Variants in RBMS3 observed in about 807,000 individuals in gnomAD.
RBMS3 encodes the protein RNA binding motif single stranded interacting protein 3.
In RBMS3, 27 loss-of-function variants were observed where a neutral mutation model predicts 66.8. The observed-to-expected ratio is 0.40, with a 90% CI of 0.30 to 0.56. The LOEUF (loss-of-function observed/expected upper bound fraction) is 0.56, where lower values mean the gene tolerates loss of function less well. RBMS3 is among the 20% of genes least tolerant of loss of function. The probability of loss-of-function intolerance (pLI) is 0.40; values close to 1 mark genes in which losing one functional copy is unlikely to be tolerated. For synonymous variants in RBMS3, 188 were observed against 183.0 expected (o/e 1.03, Z -0.22); for missense variants, 513 against 549.5 (o/e 0.93, Z 0.66).
chr3:29,510,287 C>G (rs1224826507), intron 3 of RBMS3, among the ~76,000 whole-genome samples: 1 of 152,108 alleles, frequency 6.6e-6, no homozygotes, highest in East Asian at 1.9e-4. Flanking sequence ...ATCTTTGACA[C>G]CAAGAAGACC....
intron 4 of RBMS3, among the ~76,000 whole-genome samples, chr3:29,590,761 T>A (rs2047705264): frequency 6.6e-6 from 1 of 152,184 alleles, no homozygotes; most frequent in Admixed American, 6.6e-5. Context: ...ATAAGTTAAC[T>A]TGCAGATATT....
chr3:29,387,599 A>G (rs971341670), intron 1 of RBMS3, among the ~76,000 whole-genome samples: 2 of 152,094 alleles, frequency 1.3e-5, no homozygotes, highest in African/African-American at 4.8e-5. Flanking sequence ...CAGCCAGAGT[A>G]AACGTTTTAA....
chr3:29,502,482 G>A (rs2044011833), intron 3 of RBMS3, among the ~76,000 whole-genome samples: 1 of 151,968 alleles, frequency 6.6e-6, no homozygotes, highest in Admixed American at 6.6e-5. Context: ...TCGCATAAAG[G>A]CAGACAATTT....
intron 12 of RBMS3, among the ~76,000 whole-genome samples, chr3:29,987,896 G>C (rs2149794423): frequency 6.6e-6 from 1 of 152,282 alleles, no homozygotes; most frequent in Middle Eastern, 3.4e-3. Context: ...AAAGGACAAA[G>C]TGAGGAAATG....
intron 6 of RBMS3, among the ~76,000 whole-genome samples, chr3:29,770,958 T>C (rs1042202463): frequency 5.9e-5 from 9 of 152,034 alleles, no homozygotes; most frequent in African/African-American, 2.2e-4. Context: ...CTTGCAACTC[T>C]CTCCTTGTAA....
chr3:29,583,404 C>T (rs1390246074), intron 3 of RBMS3, among the ~76,000 whole-genome samples: 1 of 152,030 alleles, frequency 6.6e-6, no homozygotes, highest in Non-Finnish European at 1.5e-5. Context: ...TCTTTATAGC[C>T]CAACAGTATT....
chr3:29,984,716 C>T (rs1252976798), intron 12 of RBMS3, among the ~76,000 whole-genome samples: 1 of 152,180 alleles, frequency 6.6e-6, no homozygotes, highest in Non-Finnish European at 1.5e-5. Flanking sequence ...TCCAGACCCT[C>T]TTTGCCTGGG....
intron 4 of RBMS3, among the ~76,000 whole-genome samples, chr3:29,704,275 G>A (rs1053450380): frequency 3.3e-5 from 5 of 152,160 alleles, no homozygotes; most frequent in African/African-American, 1.2e-4. Flanking sequence ...AAAGGTTGGG[G>A]ACCCCTGATT....
At chr3:29,514,648 C>CGCATAT (rs2044539166) in intron 3 of RBMS3, among the ~76,000 whole-genome samples, 1 of 47,952 alleles carries the variant, frequency 2.1e-5, no homozygotes, top group East Asian at 6.8e-4. Context: ...GTGTGATAGG[C>CGCATAT]ACATATATAT....
intron 1 of RBMS3, among the ~76,000 whole-genome samples, chr3:29,334,467 A>G (rs112057890): frequency 1.2e-4 from 19 of 152,290 alleles, no homozygotes; most frequent in African/African-American, 4.3e-4. Context: ...CTATATTTTT[A>G]AGAAACAGTG....
intron 4 of RBMS3, among the ~76,000 whole-genome samples, chr3:29,632,630 A>G (rs1378715789): frequency 1.3e-5 from 2 of 151,906 alleles, no homozygotes; most frequent in Non-Finnish European, 2.9e-5. Flanking sequence ...GAAAATCCTC[A>G]GTCTTGTAAA....
At chr3:29,728,841 T>C (rs2054000096) in intron 4 of RBMS3, among the ~76,000 whole-genome samples, 1 of 152,112 alleles carries the variant, frequency 6.6e-6, no homozygotes, top group African/African-American at 2.4e-5. Flanking sequence ...CTATAACACA[T>C]AAAATGCATA....
At position 29,362,410 on chromosome 3, in the gene RBMS3, T is replaced by C. The variant is rs542823260; in HGVS notation, c.76-72333T>C. 4.6e-5 allele frequency among the ~76,000 whole-genome samples: 7 copies of C among 152,166 alleles called. No individual in the cohort carries two copies. In the East Asian group the frequency reaches 1.4e-3, roughly 30 times the overall value. The stretch of plus-strand genomic sequence containing the variant: ...TGCTGTCTGATCATTTCTCTGGAGG[T>C]TTTGTCTCAGAGGAGTACCCGGCCT... On this transcript the variant is annotated intron_variant, in intron 1 of 14. Coordinates refer to ENST00000383767, the MANE Select transcript of RBMS3 (RefSeq NM_001003793.3).
chr3:29,864,943 A>G (rs1367011798), intron 6 of RBMS3, among the ~76,000 whole-genome samples: 2 of 112,022 alleles, frequency 1.8e-5, no homozygotes, highest in African/African-American at 7.2e-5. Flanking sequence ...AGAGAGAGGA[A>G]GGAGGGAAGG....
At chr3:29,773,748 A>G (rs1470367759) in intron 6 of RBMS3, among the ~76,000 whole-genome samples, 1 of 152,054 alleles carries the variant, frequency 6.6e-6, no homozygotes, top group African/African-American at 2.4e-5. Context: ...GGGAATTTAC[A>G]TCCCCATTCG....
intron 12 of RBMS3, among the ~76,000 whole-genome samples, chr3:29,974,179 C>T (rs1697406344): frequency 6.6e-6 from 1 of 151,894 alleles, no homozygotes; most frequent in African/African-American, 2.4e-5. Context: ...AATCTTATTA[C>T]ATAACCCTGG....
chr3:29,617,952 A>G (rs540468169), intron 4 of RBMS3, among the ~76,000 whole-genome samples: 3 of 152,230 alleles, frequency 2.0e-5, no homozygotes, highest in South Asian at 2.1e-4. Context: ...GTGTGTGTGT[A>G]TATATATTCA....
intron 2 of RBMS3, among the ~76,000 whole-genome samples, chr3:29,480,924 G>A (rs528972470): frequency 2.0e-5 from 3 of 152,136 alleles, no homozygotes; most frequent in African/African-American, 7.2e-5. Flanking sequence ...GGAGAAGCAG[G>A]TCTTCTTTTG....
At chr3:29,801,549 T>C (rs2057391074) in intron 6 of RBMS3, among the ~76,000 whole-genome samples, 1 of 115,572 alleles carries the variant, frequency 8.7e-6, no homozygotes, top group African/African-American at 3.3e-5. Context: ...ATTACAGGCA[T>C]GAGCACCTGA....
Sources: gnomAD v4.1 joint callset for allele counts (sites outside exome capture counted in the v4.1 genomes callset) on GRCh38, gnomAD v4.1.1 for gene constraint, MANE v1.5 for transcripts, NCBI Gene and HGNC (gene_info 2026-07-23, HGNC 2026-07-21) for gene names.